ARB2A: variants seen among roughly 807,000 people sequenced by gnomAD.
ARB2A encodes ARB2 cotranscriptional regulator A, also known as cotranscriptional regulator ARB2A.
chr5:93,642,532 T>TG, the ARB2A span, among the ~76,000 whole-genome samples: 1 of 152,148 alleles, frequency 6.6e-6, no homozygotes, highest in Non-Finnish European at 1.5e-5. Context: ...CCATCACGCC[T>TG]GGCTAATTTT....
the ARB2A span, among the ~76,000 whole-genome samples, chr5:93,817,192 C>A: frequency 6.6e-6 from 1 of 151,960 alleles, no homozygotes; most frequent in African/African-American, 2.4e-5. Context: ...ATGTCTCTAT[C>A]TACTAGTACT....
chr5:93,618,503 T>G, the ARB2A span: 4 of 151,938 alleles, frequency 2.6e-5, no homozygotes, highest in Admixed American at 2.6e-4. Context: ...AAAATATTGT[T>G]AACACTGGCC....
At chr5:93,674,659 T>C in the ARB2A span, among the ~76,000 whole-genome samples, 4 of 152,194 alleles carry the variant, frequency 2.6e-5, no homozygotes, top group Non-Finnish European at 4.4e-5. Context: ...ACATGGTTTA[T>C]TGGGGGTAGA....
the ARB2A span, among the ~76,000 whole-genome samples, chr5:93,770,726 C>G: frequency 6.6e-6 from 1 of 152,056 alleles, no homozygotes; most frequent in Non-Finnish European, 1.5e-5. Context: ...GAATAAAATA[C>G]CTAGGAATCC....
chr5:93,894,697 T>A, the ARB2A span, among the ~76,000 whole-genome samples: 3 of 152,174 alleles, frequency 2.0e-5, no homozygotes, highest in African/African-American at 7.2e-5. Context: ...CAGATCAGCA[T>A]CTGCATTGTG....
chr5:93,828,293 G>C, the ARB2A span, among the ~76,000 whole-genome samples: 3 of 152,146 alleles, frequency 2.0e-5, no homozygotes, highest in Non-Finnish European at 4.4e-5. Context: ...AGTTCTCCTT[G>C]AAGAGGTCCT....
chr5:93,641,057 A>G, the ARB2A span, among the ~76,000 whole-genome samples: 2 of 151,782 alleles, frequency 1.3e-5, no homozygotes, highest in Non-Finnish European at 2.9e-5. Context: ...AAAATTAGCC[A>G]GGCATGGTGG....
chr5:93,824,316 T>C, the ARB2A span: 3 of 1,353,480 alleles, frequency 2.2e-6, no homozygotes, highest in East Asian at 2.6e-5. Context: ...CTAATTATTA[T>C]CATAGCAAAC....
the ARB2A span, among the ~76,000 whole-genome samples, chr5:94,038,299 CA>C: frequency 9.2e-5 from 14 of 151,998 alleles, no homozygotes; most frequent in South Asian, 2.9e-3. Context: ...TTAACAGAAA[CA>C]TTATTTCTTG....
the ARB2A span, among the ~76,000 whole-genome samples, chr5:93,884,153 T>C: frequency 2.7e-3 from 407 of 151,740 alleles, 1 homozygote; most frequent in African/African-American, 9.3e-3. Context: ...CTTTGTATAA[T>C]GAATAAATCT....
the ARB2A span, among the ~76,000 whole-genome samples, chr5:93,637,053 AT>A: frequency 6.6e-6 from 1 of 152,192 alleles, no homozygotes; most frequent in East Asian, 1.9e-4. Flanking sequence ...ATATACTGCC[AT>A]TTTATAGCCA....
chr5:94,021,798 G>A, the ARB2A span, among the ~76,000 whole-genome samples: 5 of 152,180 alleles, frequency 3.3e-5, no homozygotes, highest in South Asian at 4.1e-4. Context: ...CAGGCCAGGC[G>A]CAGTGGCTCA....
At chr5:93,739,997 A>G in the ARB2A span, 1 of 104,428 alleles carries the variant, frequency 9.6e-6, no homozygotes, top group Admixed American at 8.8e-5. Flanking sequence ...GGTAAATCAG[A>G]AAAAAAAAAA....
chr5:94,105,743 C>T, the ARB2A span, among the ~76,000 whole-genome samples: 1 of 148,192 alleles, frequency 6.7e-6, no homozygotes, highest in South Asian at 2.1e-4. Context: ...TACCAGGCTA[C>T]AGTAACCAAA....
At chr5:93,835,852 G>A in the ARB2A span, among the ~76,000 whole-genome samples, 3,237 of 152,080 alleles carry the variant, frequency 0.021, 106 homozygotes, top group African/African-American at 0.073. Context: ...CCTGTTTTAC[G>A]ACAAAATTTA....
the ARB2A span, among the ~76,000 whole-genome samples, chr5:94,002,896 A>G: frequency 6.6e-6 from 1 of 152,120 alleles, no homozygotes; most frequent in African/African-American, 2.4e-5. Context: ...TAAGAAGATA[A>G]GGCATCCCCA....
At chr5:93,779,141 G>A in the ARB2A span, among the ~76,000 whole-genome samples, 96 of 151,600 alleles carry the variant, frequency 6.3e-4, no homozygotes, top group Middle Eastern at 3.4e-3. Flanking sequence ...GCGCGCGCAC[G>A]TGCAGGGGCA....
the ARB2A span, among the ~76,000 whole-genome samples, chr5:93,975,778 T>C: frequency 6.6e-6 from 1 of 151,974 alleles, no homozygotes. Context: ...GAATCAGTAA[T>C]TTAAAAAAAC....
At chr5:93,763,641 G>A in the ARB2A span, among the ~76,000 whole-genome samples, 2 of 152,078 alleles carry the variant, frequency 1.3e-5, no homozygotes, top group African/African-American at 2.4e-5. Flanking sequence ...AGATCAACGA[G>A]ACAGAAAGTT....
Sources: gnomAD v4.1 joint callset for allele counts (sites outside exome capture counted in the v4.1 genomes callset) on GRCh38, gnomAD v4.1.1 for gene constraint, MANE v1.5 for transcripts, NCBI Gene and HGNC (gene_info 2026-07-23, HGNC 2026-07-21) for gene names.